FTO: variants seen among roughly 807,000 people sequenced by gnomAD.
FTO encodes alpha-ketoglutarate-dependent dioxygenase FTO.
FTO carries 47 observed loss-of-function variants against 63.9 expected under a neutral mutation model. That is an observed-to-expected ratio of 0.74 (90% confidence interval 0.58 to 0.94). The LOEUF (loss-of-function observed/expected upper bound fraction) is 0.94, where lower values mean the gene tolerates loss of function less well. FTO is among the 40% of genes least tolerant of loss of function. The pLI is 0.00. For missense variants in FTO, 562 were observed against 618.1 expected, an observed-to-expected ratio of 0.91 and a Z score of 0.96; for synonymous variants, 207 against 224.4, an observed-to-expected ratio of 0.92 and a Z score of 0.69.
chr16:53,798,580 A>G (rs1365109109), intron 1 of FTO, among the ~76,000 whole-genome samples: 1 of 152,218 alleles, frequency 6.6e-6, no homozygotes, highest in Non-Finnish European at 1.5e-5. Flanking sequence ...TTGCTAGCAT[A>G]TAAAAATAAT....
intron 8 of FTO, among the ~76,000 whole-genome samples, chr16:54,065,490 G>C (rs1322822288): frequency 1.2e-4 from 19 of 152,156 alleles, no homozygotes; most frequent in Admixed American, 1.2e-3. Flanking sequence ...GCTGACCTCT[G>C]TTGCTGCTCT....
At chr16:54,048,266 A>G (rs1252115253) in intron 8 of FTO, among the ~76,000 whole-genome samples, 1 of 150,922 alleles carries the variant, frequency 6.6e-6, no homozygotes, top group African/African-American at 2.4e-5. Flanking sequence ...GAAAAAAAAA[A>G]AAAAAAAGAA....
chr16:53,718,217 G>T (rs573419567), intron 1 of FTO, among the ~76,000 whole-genome samples: 1 of 151,646 alleles, frequency 6.6e-6, no homozygotes, highest in Non-Finnish European at 1.5e-5. Context: ...TTGTTCAATT[G>T]GGCACCATTT....
At chr16:53,751,539 G>T (rs1389334841) in intron 1 of FTO, among the ~76,000 whole-genome samples, 1 of 152,160 alleles carries the variant, frequency 6.6e-6, no homozygotes, top group Non-Finnish European at 1.5e-5. Flanking sequence ...CTAAGTGAAA[G>T]CCAGATATGG....
At chr16:53,767,436 T>A (rs1054364455) in intron 1 of FTO, among the ~76,000 whole-genome samples, 1 of 152,184 alleles carries the variant, frequency 6.6e-6, no homozygotes, top group Non-Finnish European at 1.5e-5. Flanking sequence ...CACACCAGCA[T>A]GGCACATGTA....
In FTO at chr16:54,119,038, G is replaced by A. The variant is rs369887886; in HGVS notation, c.*7123G>A. ...ATGGCTCACTCTTAAAGCCACAGCA[G>A]GCTGCCAGGGCTTGGAGAAATAGAA... On this transcript the variant is annotated 3_prime_UTR_variant, in exon 9 of 9. Coordinates refer to ENST00000471389, the MANE Select transcript of FTO (RefSeq NM_001080432.3). 6.6e-6 allele frequency: 1 copy of A among 152,190 alleles called. No individual in the cohort carries two copies. The highest frequency in any genetic ancestry group is 2.1e-4 in the South Asian group (1 of 4,824). The allele number at this position is 152,190 out of a possible 1,614,324, so 9.4% of individuals were successfully genotyped here.
At chr16:53,912,926 T>G (rs193254589) in intron 7 of FTO, among the ~76,000 whole-genome samples, 70 of 152,334 alleles carry the variant, frequency 4.6e-4, no homozygotes, top group Non-Finnish European at 8.1e-4. Context: ...TTAGTGGAAA[T>G]ACGAAGAGTT....
intron 8 of FTO, among the ~76,000 whole-genome samples, chr16:53,961,388 T>C (rs1235680459): frequency 2.6e-5 from 4 of 152,232 alleles, no homozygotes; most frequent in Non-Finnish European, 4.4e-5. Context: ...AAATTTGTTA[T>C]TGTGGGCTGA....
At chr16:53,773,125 T>C (rs1429860565) in intron 1 of FTO, among the ~76,000 whole-genome samples, 1 of 151,774 alleles carries the variant, frequency 6.6e-6, no homozygotes, top group Non-Finnish European at 1.5e-5. Context: ...TATTGCGATA[T>C]ACCTATTTGG....
At chr16:53,773,967 G>T (rs1204788811) in intron 1 of FTO, among the ~76,000 whole-genome samples, 1 of 152,152 alleles carries the variant, frequency 6.6e-6, no homozygotes, top group Admixed American at 6.6e-5. Context: ...AATCGGAGAA[G>T]AAAATTACAC....
intron 8 of FTO, among the ~76,000 whole-genome samples, chr16:54,024,318 G>A (rs2084665054): frequency 6.6e-6 from 1 of 152,220 alleles, no homozygotes; most frequent in African/African-American, 2.4e-5. Flanking sequence ...CTGCCTCCCA[G>A]GTTCAAGAGA....
chr16:53,819,654 T>G (rs2078797113), intron 2 of FTO, among the ~76,000 whole-genome samples: 1 of 152,246 alleles, frequency 6.6e-6, no homozygotes, highest in African/African-American at 2.4e-5. Context: ...TACAAAAATT[T>G]AAATTTTCAG....
chr16:54,094,909 C>G (rs1426339216), intron 8 of FTO, among the ~76,000 whole-genome samples: 1 of 152,150 alleles, frequency 6.6e-6, no homozygotes, highest in Non-Finnish European at 1.5e-5. Flanking sequence ...CTGCTTAAAA[C>G]CCTCCGGCGG....
intron 5 of FTO, among the ~76,000 whole-genome samples, chr16:53,878,655 G>A (rs1293516048): frequency 1.3e-5 from 2 of 152,192 alleles, no homozygotes; most frequent in South Asian, 2.1e-4. Context: ...TGGGACTGAA[G>A]GGTATTTATA....
At chr16:54,040,272 AGGTT>A (rs1255291745) in intron 8 of FTO, 1 of 152,214 alleles carries the variant, frequency 6.6e-6, no homozygotes, top group Non-Finnish European at 1.5e-5. Flanking sequence ...CTCCAAAAAA[AGGTT>A]TATCAGTGGC....
intron 7 of FTO, among the ~76,000 whole-genome samples, chr16:53,931,979 T>C (rs1244067976): frequency 2.0e-5 from 3 of 152,106 alleles, no homozygotes; most frequent in Non-Finnish European, 4.4e-5. Context: ...TTTCTGAATG[T>C]CAGAGCTGGC....
At chr16:53,750,143 T>C (rs2076750974) in intron 1 of FTO, among the ~76,000 whole-genome samples, 1 of 152,218 alleles carries the variant, frequency 6.6e-6, no homozygotes, top group Non-Finnish European at 1.5e-5. Flanking sequence ...GTTTAATTGG[T>C]AAGATTATGA....
chr16:53,944,070 G>A (rs2082601090), intron 8 of FTO, among the ~76,000 whole-genome samples: 1 of 152,278 alleles, frequency 6.6e-6, no homozygotes. Flanking sequence ...ATGCACTCAA[G>A]TACTTCATAA....
intron 1 of FTO, among the ~76,000 whole-genome samples, chr16:53,766,409 G>T (rs1457843183): frequency 6.6e-6 from 1 of 152,094 alleles, no homozygotes; most frequent in Non-Finnish European, 1.5e-5. Context: ...CGTTATCCGT[G>T]AAGATGCCTC....
Sources: gnomAD v4.1 joint callset for allele counts (sites outside exome capture counted in the v4.1 genomes callset) on GRCh38, gnomAD v4.1.1 for gene constraint, MANE v1.5 for transcripts, NCBI Gene and HGNC (gene_info 2026-07-23, HGNC 2026-07-21) for gene names.